Variants in PDSS2 observed in about 807,000 individuals in gnomAD.
PDSS2 encodes decaprenyl diphosphate synthase subunit 2, also known as all trans-polyprenyl-diphosphate synthase PDSS2.
Under a neutral mutation model 44.5 loss-of-function variants are expected in PDSS2, and 31 were observed. The observed-to-expected ratio is 0.70, with a 90% CI of 0.52 to 0.94. PDSS2 has a LOEUF of 0.94. Among genes scored for constraint, PDSS2 ranks in the 40% least tolerant of loss-of-function variants. The pLI, the probability that PDSS2 is intolerant of heterozygous loss-of-function variation, is 0.00. For synonymous variants in PDSS2, 157 were observed against 180.3 expected, an observed-to-expected ratio of 0.87 and a Z score of 1.03; for missense variants, 452 against 482.2, an observed-to-expected ratio of 0.94 and a Z score of 0.59.
intron 1 of PDSS2, among the ~76,000 whole-genome samples, chr6:107,415,538 A>G (rs1156665008): frequency 6.6e-6 from 1 of 152,130 alleles, no homozygotes; most frequent in Non-Finnish European, 1.5e-5. Context: ...TTCAACTAAA[A>G]TCACTGAAAA....
chr6:107,322,407 T>C (rs911949422), intron 2 of PDSS2, among the ~76,000 whole-genome samples: 13 of 152,046 alleles, frequency 8.6e-5, no homozygotes, highest in Admixed American at 2.0e-4. Context: ...TAATCCCAGT[T>C]ACTTGAGAGG....
chr6:107,435,985 A>T (rs374881545), intron 1 of PDSS2, among the ~76,000 whole-genome samples: 1 of 152,196 alleles, frequency 6.6e-6, no homozygotes. Context: ...GCCTTTGGTG[A>T]GTCACAGGAA....
At chr6:107,414,343 ACAGATC>A (rs1375771465) in intron 1 of PDSS2, among the ~76,000 whole-genome samples, 2 of 152,268 alleles carry the variant, frequency 1.3e-5, no homozygotes, top group African/African-American at 4.8e-5. Flanking sequence ...CAAAGAATGC[ACAGATC>A]CAGAAAATAC....
intron 3 of PDSS2, among the ~76,000 whole-genome samples, chr6:107,259,879 T>C (rs141546758): frequency 1.3e-5 from 2 of 152,280 alleles, no homozygotes; most frequent in Admixed American, 6.5e-5. Context: ...GCTAAAACTG[T>C]TATTAGTAAA....
At chr6:107,419,030 T>A (rs1448935603) in intron 1 of PDSS2, among the ~76,000 whole-genome samples, 1 of 151,980 alleles carries the variant, frequency 6.6e-6, no homozygotes, top group Non-Finnish European at 1.5e-5. Flanking sequence ...ATCAAGTAGT[T>A]AGCTTAAAAA....
intron 1 of PDSS2, among the ~76,000 whole-genome samples, chr6:107,345,575 C>G (rs1386147437): frequency 6.6e-6 from 1 of 150,496 alleles, no homozygotes; most frequent in East Asian, 2.0e-4. Flanking sequence ...ATGGATGAAG[C>G]CAGTAAAAAT....
At chr6:107,236,544 G>A (rs2114759845) in intron 4 of PDSS2, among the ~76,000 whole-genome samples, 1 of 152,078 alleles carries the variant, frequency 6.6e-6, no homozygotes, top group Non-Finnish European at 1.5e-5. Context: ...TAGGAAGAAG[G>A]AAAATAATAC....
chr6:107,419,571 A>G (rs1159519293), intron 1 of PDSS2, among the ~76,000 whole-genome samples: 8 of 152,222 alleles, frequency 5.3e-5, no homozygotes, highest in Non-Finnish European at 1.0e-4. Context: ...TTTTTACAGT[A>G]TGTTTTAGAA....
At chr6:107,264,413 A>C (rs1184042961) in intron 3 of PDSS2, 1 of 1,549,476 alleles carries the variant, frequency 6.5e-7, no homozygotes. Flanking sequence ...AACCTCCAGG[A>C]GTGACATCAT....
chr6:107,447,614 C>A (rs188595399), intron 1 of PDSS2, among the ~76,000 whole-genome samples: 89 of 152,338 alleles, frequency 5.8e-4, no homozygotes, highest in Non-Finnish European at 9.8e-4. Flanking sequence ...TGTGGCTTTG[C>A]AGGGAACAGC....
intron 1 of PDSS2, among the ~76,000 whole-genome samples, chr6:107,375,537 A>C (rs1779260602): frequency 6.6e-6 from 1 of 152,198 alleles, no homozygotes; most frequent in Non-Finnish European, 1.5e-5. Context: ...AAGAAGAAGT[A>C]AAAAAACTAA....
At chr6:107,390,694 T>G (rs1373243731) in intron 1 of PDSS2, among the ~76,000 whole-genome samples, 4 of 152,062 alleles carry the variant, frequency 2.6e-5, no homozygotes, top group African/African-American at 9.7e-5. Flanking sequence ...TAGGTGAGGG[T>G]ATAGGGTATA....
intron 1 of PDSS2, among the ~76,000 whole-genome samples, chr6:107,408,423 C>T (rs1279542338): frequency 6.6e-6 from 1 of 152,122 alleles, no homozygotes; most frequent in Non-Finnish European, 1.5e-5. Context: ...ACAAGGACTC[C>T]CTTTGTTGTC....
At chr6:107,266,118 T>C (rs1315248451) in intron 3 of PDSS2, among the ~76,000 whole-genome samples, 1 of 152,224 alleles carries the variant, frequency 6.6e-6, no homozygotes, top group Non-Finnish European at 1.5e-5. Flanking sequence ...TTCACTTTCC[T>C]TAAATTATTC....
intron 3 of PDSS2, among the ~76,000 whole-genome samples, chr6:107,260,810 C>T (rs967291018): frequency 6.6e-6 from 1 of 151,774 alleles, no homozygotes; most frequent in Non-Finnish European, 1.5e-5. Context: ...ACTACAGGCG[C>T]CCGCCACTAT....
intron 1 of PDSS2, among the ~76,000 whole-genome samples, chr6:107,353,675 G>C (rs1368632685): frequency 6.6e-6 from 1 of 151,946 alleles, no homozygotes; most frequent in East Asian, 1.9e-4. Flanking sequence ...CAATATGATA[G>C]CATTAACACT....
At chr6:107,221,297 G>A (rs747097023) in intron 4 of PDSS2, among the ~76,000 whole-genome samples, 5 of 132,262 alleles carry the variant, frequency 3.8e-5, no homozygotes, top group Non-Finnish European at 6.1e-5. Flanking sequence ...AGCCGAGACC[G>A]CACCATGGCA....
chr6:107,211,983 G>T, intron 5 of PDSS2, 126 bp downstream of exon 5: 2 of 793,956 alleles, frequency 2.5e-6, no homozygotes. Context: ...ATCCAGGACT[G>T]ACAGATTTGA....
chr6:107,174,687 C>T (rs1373425433), intron 7 of PDSS2, among the ~76,000 whole-genome samples: 1 of 151,974 alleles, frequency 6.6e-6, no homozygotes, highest in East Asian at 1.9e-4. Flanking sequence ...AAATTATTTG[C>T]AAGAGTCTAT....
Sources: allele counts gnomAD v4.1 joint callset (sites outside exome capture counted in the v4.1 genomes callset), GRCh38; gene constraint gnomAD v4.1.1; transcripts MANE v1.5; gene names NCBI Gene and HGNC (gene_info 2026-07-23, HGNC 2026-07-21).